GPC6: variants seen among roughly 807,000 people sequenced by gnomAD.
GPC6 encodes glypican 6, also known as glypican-6.
GPC6 carries 14 observed loss-of-function variants against 55.2 expected under a neutral mutation model. The ratio of observed to expected loss-of-function variants is 0.25; its 90% CI spans 0.17 to 0.40. The LOEUF is 0.40. Ranked by LOEUF, GPC6 falls within the 10% of genes least tolerant of loss-of-function variation. The probability of loss-of-function intolerance (pLI) is 1.00; values close to 1 mark genes in which losing one functional copy is unlikely to be tolerated. For synonymous variants in GPC6, 278 were observed against 259.6 expected, an observed-to-expected ratio of 1.07 and a Z score of -0.68; for missense variants, 641 against 708.5, an observed-to-expected ratio of 0.90 and a Z score of 1.08.
At chr13:93,697,688 C>A (rs1018586925) in intron 2 of GPC6, among the ~76,000 whole-genome samples, 1 of 152,132 alleles carries the variant, frequency 6.6e-6, no homozygotes, top group African/African-American at 2.4e-5. Flanking sequence ...TTAGAACTAA[C>A]AAATAATGTT....
intron 1 of GPC6, among the ~76,000 whole-genome samples, chr13:93,411,688 A>G (rs1181100863): frequency 6.6e-6 from 1 of 152,174 alleles, no homozygotes; most frequent in Non-Finnish European, 1.5e-5. Flanking sequence ...CAAAGGTTCT[A>G]TACACCAATG....
At chr13:93,558,548 A>G (rs1387009071) in intron 2 of GPC6, among the ~76,000 whole-genome samples, 1 of 152,216 alleles carries the variant, frequency 6.6e-6, no homozygotes, top group Non-Finnish European at 1.5e-5. Flanking sequence ...CTAGTGATAC[A>G]GTGATACAGA....
chr13:93,781,783 C>A (rs1480532335), intron 2 of GPC6, among the ~76,000 whole-genome samples: 2 of 151,636 alleles, frequency 1.3e-5, no homozygotes, highest in Admixed American at 1.3e-4. Flanking sequence ...GGTAAAATAC[C>A]TATTAGGGTC....
rs181688384 is a variant in GPC6 at position 93,354,453 on chromosome 13, C to G, written c.160+126837C>G. Among the ~76,000 whole-genome samples, 47 of 148,722 alleles carry G rather than the reference C, an allele frequency of 3.2e-4. 1 individual carries two copies. In the Middle Eastern group the frequency reaches 0.014, roughly 44 times the overall value. ...GCAAGCTCTGCCTCCCGGGTTCACG[C>G]CATTCTCCTGCCTCAGCCTCCCGAG... On this transcript the variant is annotated intron_variant, in intron 1 of 8. Coordinates refer to ENST00000377047, the MANE Select transcript of GPC6 (RefSeq NM_005708.5).
At chr13:93,265,327 A>G (rs1877287150) in intron 1 of GPC6, among the ~76,000 whole-genome samples, 1 of 152,220 alleles carries the variant, frequency 6.6e-6, no homozygotes, top group Non-Finnish European at 1.5e-5. Context: ...CAAGTTGAGC[A>G]TCCCTCAACT....
At chr13:93,290,863 T>C (rs570577520) in intron 1 of GPC6, among the ~76,000 whole-genome samples, 1 of 152,234 alleles carries the variant, frequency 6.6e-6, no homozygotes, top group East Asian at 1.9e-4. Context: ...TTTAAGGAAA[T>C]ATAAAAAGAC....
intron 3 of GPC6, among the ~76,000 whole-genome samples, chr13:93,856,787 G>T (rs1489951401): frequency 6.6e-6 from 1 of 151,584 alleles, no homozygotes; most frequent in African/African-American, 2.4e-5. Context: ...GGAATGGATT[G>T]TGAGTCTTGA....
intron 4 of GPC6, among the ~76,000 whole-genome samples, chr13:94,157,472 G>A (rs7991937): frequency 0.26 from 39,388 of 152,014 alleles, 5,375 homozygotes; most frequent in East Asian, 0.36. Context: ...AGAAATAGCC[G>A]TGGGAGGAGA....
intron 2 of GPC6, among the ~76,000 whole-genome samples, chr13:93,817,065 C>A (rs1365116822): frequency 6.6e-6 from 1 of 152,152 alleles, no homozygotes; most frequent in African/African-American, 2.4e-5. Context: ...CTCATAGAAT[C>A]TGGGTCTATC....
At chr13:94,028,033 T>TACAG in intron 4 of GPC6, 139 bp downstream of exon 4, 1 of 789,694 alleles carries the variant, frequency 1.3e-6, no homozygotes, top group East Asian at 2.6e-5. Flanking sequence ...GGGAGGCCAG[T>TACAG]ACAGATGGAT....
intron 1 of GPC6, among the ~76,000 whole-genome samples, chr13:93,391,023 G>A (rs1451431598): frequency 7.2e-5 from 11 of 151,932 alleles, no homozygotes; most frequent in African/African-American, 2.4e-4. Flanking sequence ...TTTATCATGG[G>A]TAGTGTGCCT....
intron 1 of GPC6, among the ~76,000 whole-genome samples, chr13:93,378,425 C>T (rs1875015501): frequency 6.6e-6 from 1 of 152,196 alleles, no homozygotes; most frequent in Admixed American, 6.5e-5. Flanking sequence ...GAAATCCCCA[C>T]TCACTTTCAA....
At chr13:94,222,479 G>C (rs1890413637) in intron 4 of GPC6, among the ~76,000 whole-genome samples, 1 of 152,026 alleles carries the variant, frequency 6.6e-6, no homozygotes, top group African/African-American at 2.4e-5. Flanking sequence ...TTTTAAATCA[G>C]TTCTAGTTTT....
chr13:93,421,647 G>A (rs1288033825), intron 1 of GPC6, among the ~76,000 whole-genome samples: 2 of 151,966 alleles, frequency 1.3e-5, no homozygotes, highest in African/African-American at 2.4e-5. Context: ...GCAGATTCAC[G>A]TGAAATTACC....
At chr13:93,393,135 G>T (rs368997255) in intron 1 of GPC6, among the ~76,000 whole-genome samples, 6,703 of 122,282 alleles carry the variant, frequency 0.055, 141 homozygotes, top group Non-Finnish European at 0.07. Flanking sequence ...TATAGAGAGA[G>T]AGAGAGAGAG....
intron 4 of GPC6, among the ~76,000 whole-genome samples, chr13:94,199,101 G>A (rs1216565661): frequency 6.6e-6 from 1 of 152,174 alleles, no homozygotes; most frequent in South Asian, 2.1e-4. Context: ...AAAAGCCTTT[G>A]TGCTGGAAGC....
In GPC6 at chr13:93,356,234, C is replaced by A. The variant is rs991198984; in HGVS notation, c.160+128618C>A. ...ATTTAGGTGAATTCATACAATTAAT[C>A]TTCTAGCTCATTAAAAGAAATCTCA... is the stretch of plus-strand genomic sequence containing the variant. On this transcript the variant is annotated intron_variant, in intron 1 of 8. Coordinates refer to ENST00000377047, the MANE Select transcript of GPC6 (RefSeq NM_005708.5). 2.6e-5 allele frequency among the ~76,000 whole-genome samples: 4 copies of A among 152,282 alleles called. No homozygotes were observed. In the South Asian group the frequency reaches 8.3e-4, roughly 32 times the overall value.
intron 2 of GPC6, among the ~76,000 whole-genome samples, chr13:93,581,734 G>T (rs984352815): frequency 4.6e-5 from 7 of 152,078 alleles, no homozygotes; most frequent in African/African-American, 1.7e-4. Flanking sequence ...CAGTTGTAAG[G>T]CAGCAATACA....
chr13:93,789,507 C>CTATATATA (rs1261981887), intron 2 of GPC6, among the ~76,000 whole-genome samples: 8 of 89,960 alleles, frequency 8.9e-5, no homozygotes, highest in South Asian at 7.5e-4. Flanking sequence ...CTCTCTCTCT[C>CTATATATA]TCTATATATA....
Sources: gnomAD v4.1 joint callset for allele counts (sites outside exome capture counted in the v4.1 genomes callset) on GRCh38, gnomAD v4.1.1 for gene constraint, MANE v1.5 for transcripts, NCBI Gene and HGNC (gene_info 2026-07-23, HGNC 2026-07-21) for gene names.